Variants in ADAMTSL2 observed in about 807,000 individuals in gnomAD.
The protein encoded by ADAMTSL2 is ADAMTS-like protein 2.
ADAMTSL2 carries 55 observed loss-of-function variants against 117.0 expected under a neutral mutation model. The ratio of observed to expected loss-of-function variants is 0.47; its 90% CI spans 0.38 to 0.59. The LOEUF (loss-of-function observed/expected upper bound fraction) is 0.59. Among genes scored for constraint, ADAMTSL2 ranks in the 20% least tolerant of loss-of-function variants. ADAMTSL2 has a pLI of 0.00. For missense variants in ADAMTSL2, 1,182 were observed against 1,354.5 expected (o/e 0.87, Z 2.00); for synonymous variants, 572 against 566.4 (o/e 1.01, Z -0.14).
intron 11 of ADAMTSL2, among the ~76,000 whole-genome samples, chr9:133,560,554 C>T (rs977084737): frequency 6.6e-6 from 1 of 152,268 alleles, no homozygotes; most frequent in African/African-American, 2.4e-5. Context: ...GCTGCATAGG[C>T]TCCAGCCAAG....
At chr9:133,540,560 C>T (rs768384316) in intron 5 of ADAMTSL2, 38 bp from the exon 6 acceptor site, 1 of 1,610,530 alleles carries the variant, frequency 6.2e-7, no homozygotes, top group South Asian at 1.1e-5. Flanking sequence ...GCATTTCCTG[C>T]CCCGCTGAAA....
Position 133,568,452 on chromosome 9 carries a change from G to A in ADAMTSL2, c.2054G>A (p.Cys685Tyr). 1 of 1,607,846 alleles carries A rather than the reference G, an allele frequency of 6.2e-7. No individual in the cohort carries two copies. The highest frequency in any genetic ancestry group is 8.5e-7 in the Non-Finnish European group (1 of 1,177,994). The stretch of plus-strand genomic sequence containing the variant: ...CGCAAGACCTGCCGGAACCCCGCCT[G>A]CGGGCCCCAGTGGGAGATGTCGGAG... ...EERKTCRNPA[C>Y]GPQWEMSEWS... Residue 685 changes from cysteine to tyrosine, a missense_variant, in exon 14 of 19, where the codon TGC becomes TAC. By Grantham distance (194) the Cys-to-Tyr change is radical. Transcript: ENST00000651351.
intron 4 of ADAMTSL2, 64 bp from the exon 5 acceptor site, chr9:133,539,707 T>C (rs1261828532): frequency 1.5e-5 from 7 of 470,894 alleles, no homozygotes; most frequent in Non-Finnish European, 2.1e-5. Context: ...CTGCTTAGCC[T>C]GGACAAAAAT....
Position 133,539,812 on chromosome 9 carries a change from C to T in ADAMTSL2, c.351C>T (p.Cys117=), listed in dbSNP as rs558563166. ...PDGRSFREEQ[C]VSFNSHVYNG... ...GGAGGAGCTTCCGCGAGGAGCAGTG[C>T]GTCTCCTTCAACTCCCACGTGTACA... The change falls in exon 5 of 19, where the codon TGC becomes TGT. Residue 117 remains cysteine (C), a synonymous_variant. Transcript: ENST00000651351. 7.9e-5 allele frequency: 123 copies of T among 1,551,100 alleles called. 1 individual carries two copies. The highest frequency in any genetic ancestry group is 5.5e-4 in the South Asian group (46 of 84,062).
At chr9:133,534,101 C>T (rs1386493428), upstream of ADAMTSL2, among the ~76,000 whole-genome samples, 5 of 152,232 alleles carry the variant, frequency 3.3e-5, no homozygotes, top group Non-Finnish European at 5.9e-5. Flanking sequence ...AGCCTCTCTG[C>T]CCTGGCCCTG....
chr9:133,566,820 C>T (rs1327095050), intron 12 of ADAMTSL2, 116 bp from the exon 13 acceptor site: 1 of 1,397,320 alleles, frequency 7.2e-7, no homozygotes, highest in Non-Finnish European at 9.8e-7. Flanking sequence ...GTGACTGATC[C>T]CCAAGCCAGA....
intron 17 of ADAMTSL2, 52 bp from the exon 18 acceptor site, chr9:133,573,791 C>G: frequency 6.2e-7 from 1 of 1,611,782 alleles, no homozygotes; most frequent in Non-Finnish European, 8.5e-7. Context: ...CCTGCCCAGG[C>G]CCCTGCCCCA....
At chr9:133,573,065 G>A (rs1351813227) in intron 17 of ADAMTSL2, among the ~76,000 whole-genome samples, 5 of 145,606 alleles carry the variant, frequency 3.4e-5, no homozygotes, top group African/African-American at 7.9e-5. Context: ...AGTCTTAATC[G>A]GTCTTCCTTG....
intron 9 of ADAMTSL2, among the ~76,000 whole-genome samples, chr9:133,549,697 A>G (rs1830438599): frequency 6.6e-6 from 1 of 151,994 alleles, no homozygotes; most frequent in Non-Finnish European, 1.5e-5. Flanking sequence ...TCTGCTCTTG[A>G]TGATCAAGTT....
upstream of ADAMTSL2, among the ~76,000 whole-genome samples, chr9:133,533,030 C>T (rs576285352): frequency 2.6e-5 from 4 of 152,168 alleles, no homozygotes; most frequent in South Asian, 2.1e-4. Flanking sequence ...AGGCCACAAA[C>T]GCCAGGAGAG....
chr9:133,532,181 C>T (rs1157742472), upstream of ADAMTSL2: 1 of 152,138 alleles, frequency 6.6e-6, no homozygotes, highest in African/African-American at 2.4e-5. Context: ...GGAGAAAATC[C>T]CCTTCTTTTT....
At chr9:133,564,802 C>A (rs889729470) in intron 12 of ADAMTSL2, among the ~76,000 whole-genome samples, 2 of 151,822 alleles carry the variant, frequency 1.3e-5, no homozygotes, top group African/African-American at 4.8e-5. Context: ...TGGCACTGGG[C>A]AGAAATAACA....
In ADAMTSL2 at chr9:133,551,948, G is replaced by A. The variant is rs971938591; in HGVS notation, c.940-2409G>A. Among the ~76,000 whole-genome samples the A allele has an allele frequency of 2.4e-3, 362 of 151,288 alleles. 3 individuals carry two copies. The highest frequency in any genetic ancestry group is 8.2e-3 in the African/African-American group (336 of 41,110). ...AGGTTCAAACGATTCTCCTGCCTCA[G>A]CCTCCAGAGTAGCTGGGATTACAGG... is the stretch of plus-strand genomic sequence containing the variant. On this transcript the variant is annotated intron_variant, in intron 9 of 18. Coordinates refer to ENST00000651351, the MANE Select transcript of ADAMTSL2 (RefSeq NM_014694.4).
intron 9 of ADAMTSL2, among the ~76,000 whole-genome samples, chr9:133,551,806 C>T (rs1305823038): frequency 2.0e-5 from 3 of 146,628 alleles, no homozygotes; most frequent in Non-Finnish European, 3.0e-5. Flanking sequence ...CCACCCAAAG[C>T]AGCAGCTTTT....
At chr9:133,540,062 T>C (rs1830175196) in intron 5 of ADAMTSL2, among the ~76,000 whole-genome samples, 189 bp downstream of exon 5, 1 of 152,140 alleles carries the variant, frequency 6.6e-6, no homozygotes, top group Non-Finnish European at 1.5e-5. Context: ...CCATGACCCA[T>C]GACATCAACG....
intron 11 of ADAMTSL2, among the ~76,000 whole-genome samples, chr9:133,559,704 C>T (rs1236788913): frequency 1.3e-5 from 2 of 152,238 alleles, no homozygotes; most frequent in African/African-American, 4.8e-5. Context: ...GAGGAGAAGG[C>T]ACTCTTCCCT....
Position 133,568,614 on chromosome 9 carries a change from G to C in ADAMTSL2, c.2100G>C (p.Lys700Asn), listed in dbSNP as rs1831032853. 1.9e-6 allele frequency: 3 copies of C among 1,607,550 alleles called. No individual in the cohort carries two copies. Among genetic ancestry groups the C allele is most frequent in the Non-Finnish European group, 2.5e-6 (3 of 1,177,698 alleles). ...CCCTGCCGCCCCAGTGCACTGCCAAGTGTGGGGAGCGCAGTGTGGTGACCA... is the reference window on the plus strand; with the variant it reads ...CCCTGCCGCCCCAGTGCACTGCCAACTGTGGGGAGCGCAGTGTGGTGACCA... ...EMSEWSECTA[K>N]CGERSVVTRD... The change falls in exon 15 of 19, where the codon AAG (lysine) becomes AAC (asparagine). Residue 700 changes from lysine (K) to asparagine (N), a missense_variant. Lys to Asn is a moderately conservative substitution (Grantham distance 94, BLOSUM62 0). Coordinates refer to ENST00000651351, the MANE Select transcript of ADAMTSL2 (RefSeq NM_014694.4).
chr9:133,537,830 C>T (rs2131091437), intron 3 of ADAMTSL2, among the ~76,000 whole-genome samples: 1 of 152,326 alleles, frequency 6.6e-6, no homozygotes, highest in Admixed American at 6.5e-5. Flanking sequence ...GGAGAACCAC[C>T]CTGACTTCTC....
chr9:133,571,144 C>T (rs1354844442), intron 17 of ADAMTSL2, among the ~76,000 whole-genome samples: 1 of 152,212 alleles, frequency 6.6e-6, no homozygotes, highest in African/African-American at 2.4e-5. Flanking sequence ...CCCTGAGGCA[C>T]GTGTGGCAAC....
Sources: gnomAD v4.1 joint callset for allele counts (sites outside exome capture counted in the v4.1 genomes callset) on GRCh38, gnomAD v4.1.1 for gene constraint, MANE v1.5 for transcripts, NCBI Gene and HGNC (gene_info 2026-07-23, HGNC 2026-07-21) for gene names.